The following CLASP2 variants were observed in gnomAD, a reference collection of about 807,000 sequenced individuals.
CLASP2 encodes CLIP-associating protein 2.
Under a neutral mutation model 194.4 loss-of-function variants are expected in CLASP2, and 47 were observed. The observed-to-expected ratio is 0.24, with a 90% CI of 0.19 to 0.31. The LOEUF (loss-of-function observed/expected upper bound fraction) is 0.31, where lower values mean the gene tolerates loss of function less well. Among genes scored for constraint, CLASP2 ranks in the 10% least tolerant of loss-of-function variants. The pLI is 1.00. For missense variants in CLASP2, 1,445 were observed against 1,823.6 expected (o/e 0.79, Z 3.78); for synonymous variants, 619 against 633.5 (o/e 0.98, Z 0.34).
intron 8 of CLASP2, among the ~76,000 whole-genome samples, chr3:33,633,328 C>T (rs1346367173): frequency 6.6e-6 from 1 of 152,108 alleles, no homozygotes; most frequent in Non-Finnish European, 1.5e-5. Flanking sequence ...AACGAAGTCC[C>T]CAACCAATAA....
chr3:33,528,847 A>G (rs1199140341), intron 34 of CLASP2, among the ~76,000 whole-genome samples: 1 of 152,174 alleles, frequency 6.6e-6, no homozygotes, highest in East Asian at 1.9e-4. Flanking sequence ...CGATAGACAG[A>G]TAAAGGGCCT....
At chr3:33,540,324 A>T (rs1426889310) in intron 32 of CLASP2, among the ~76,000 whole-genome samples, 1 of 150,498 alleles carries the variant, frequency 6.6e-6, no homozygotes, top group Non-Finnish European at 1.5e-5. Context: ...GCAGCCTTGA[A>T]CTCCTAGGCT....
At chr3:33,520,076 T>A (rs188222800) in intron 34 of CLASP2, among the ~76,000 whole-genome samples, 1 of 152,184 alleles carries the variant, frequency 6.6e-6, no homozygotes, top group South Asian at 2.1e-4. Context: ...TGCACTGGCG[T>A]GATCTTGGCT....
chr3:33,655,048 T>C (rs2083906885), intron 7 of CLASP2, among the ~76,000 whole-genome samples: 1 of 152,154 alleles, frequency 6.6e-6, no homozygotes, highest in African/African-American at 2.4e-5. Flanking sequence ...CATGCCATAA[T>C]AGCCATAACA....
At chr3:33,678,955 T>C (rs988713420) in intron 6 of CLASP2, among the ~76,000 whole-genome samples, 1 of 152,134 alleles carries the variant, frequency 6.6e-6, no homozygotes, top group Admixed American at 6.5e-5. Flanking sequence ...AGATCTAGAA[T>C]AGCTAACACA....
At chr3:33,586,081 A>G (rs1363555922) in intron 21 of CLASP2, among the ~76,000 whole-genome samples, 2 of 152,062 alleles carry the variant, frequency 1.3e-5, no homozygotes, top group African/African-American at 2.4e-5. Flanking sequence ...AGAAGTCCCA[A>G]GGGTAGAAGG....
At chr3:33,567,102 T>C (rs894447830) in intron 26 of CLASP2, among the ~76,000 whole-genome samples, 2 of 152,174 alleles carry the variant, frequency 1.3e-5, no homozygotes, top group South Asian at 2.1e-4. Flanking sequence ...GGGGCCAACA[T>C]TTGGTTCCAA....
In CLASP2 at chr3:33,543,517, G is replaced by A. The variant is rs187113660; in HGVS notation, c.3320C>T (p.Thr1107Ile). Residue 1107 changes from threonine (T) to isoleucine (I), a missense_variant, in exon 32 of 39, where the codon ACA becomes ATA. Thr to Ile is a moderately conservative substitution (Grantham distance 89). This residue lies in a region of CLASP2 where 732 missense variants were observed against 987.9 expected (regional missense o/e 0.74). Transcript: ENST00000682230. ...AGCTGGTGATCGTGGTGTTGGTCTT[G>A]TCAAAGGACTCCCCATGGAACTCTG... Reference protein sequence around the residue: ...GTQSSMGSPLTRPTPRSPANW... With the variant: ...GTQSSMGSPLIRPTPRSPANW... The A allele has an allele frequency of 3.9e-3, 6,352 of 1,611,652 alleles. 25 individuals are homozygous for A. Among genetic ancestry groups the A allele is most frequent in the Middle Eastern group, 0.011 (67 of 6,054 alleles).
At position 33,575,158 on chromosome 3, in the gene CLASP2, A is replaced by G. The variant is rs183270299; in HGVS notation, c.2454+1011T>C. Among the ~76,000 whole-genome samples, 20 of 152,308 alleles carry G rather than the reference A, an allele frequency of 1.3e-4. No individual in the cohort carries two copies. In the South Asian group the frequency reaches 3.5e-3, roughly 27 times the overall value. ...CATCAGAACAAGATGTGATCAATAT[A>G]TCCCATGTTGAAGAGAACAAAGTCC... On this transcript the variant is annotated intron_variant, in intron 24 of 38. Coordinates refer to ENST00000682230, the MANE Select transcript of CLASP2 (RefSeq NM_001365631.1).
intron 7 of CLASP2, among the ~76,000 whole-genome samples, chr3:33,648,481 T>C (rs1422198513): frequency 6.6e-6 from 1 of 152,030 alleles, no homozygotes; most frequent in East Asian, 1.9e-4. Context: ...CACAGCTTCA[T>C]ATATATAAAA....
At chr3:33,594,880 T>C in intron 20 of CLASP2, 71 bp downstream of exon 20, 1 of 851,268 alleles carries the variant, frequency 1.2e-6, no homozygotes, top group Non-Finnish European at 1.6e-6. Flanking sequence ...TTAGTTCTAA[T>C]ATTTAATTCC....
At chr3:33,714,695 T>C (rs1489179236) in intron 1 of CLASP2, among the ~76,000 whole-genome samples, 1 of 152,156 alleles carries the variant, frequency 6.6e-6, no homozygotes, top group Non-Finnish European at 1.5e-5. Context: ...TCCTTTATAG[T>C]CGACTCTCCA....
Position 33,501,674 on chromosome 3 carries a change from A to C in CLASP2, c.4412T>G (p.Leu1471Arg). Residue 1471 changes from leucine (L) to arginine (R), a missense_variant, in exon 38 of 39, where the codon CTC becomes CGC. Around this residue, in one of 4 missense-constraint regions of CLASP2, gnomAD observed 732 missense variants for 987.9 expected, o/e 0.74. Coordinates refer to ENST00000682230, the MANE Select transcript of CLASP2 (RefSeq NM_001365631.1). Reference protein sequence around the residue: ...AVIGDELKPHLSQLTGSKMKL... With the variant: ...AVIGDELKPHRSQLTGSKMKL... ...TACTTTACTGCCAGTAAGTTGACTG[A>C]GATGTGGTTTTAGTTCATCACCAAT... 1 of 1,612,330 alleles carries C rather than the reference A, an allele frequency of 6.2e-7. No homozygotes were observed.
chr3:33,580,162 G>C (rs2065724469), intron 23 of CLASP2, among the ~76,000 whole-genome samples: 1 of 152,156 alleles, frequency 6.6e-6, no homozygotes, highest in Non-Finnish European at 1.5e-5. Flanking sequence ...CACAAACAAG[G>C]GTTGGGCATA....
intron 16 of CLASP2, 121 bp downstream of exon 16, chr3:33,606,470 A>T: frequency 1.4e-6 from 1 of 707,454 alleles, no homozygotes; most frequent in Non-Finnish European, 2.3e-6. Flanking sequence ...TAAGTGTATT[A>T]GAGTTACCAT....
chr3:33,674,802 C>A (rs1463114138), intron 6 of CLASP2, among the ~76,000 whole-genome samples: 1 of 152,116 alleles, frequency 6.6e-6, no homozygotes, highest in Non-Finnish European at 1.5e-5. Flanking sequence ...GAGCATACTA[C>A]AAACACCTCT....
At chr3:33,650,930 T>C (rs1431357648) in intron 7 of CLASP2, among the ~76,000 whole-genome samples, 2 of 152,182 alleles carry the variant, frequency 1.3e-5, no homozygotes, top group East Asian at 3.9e-4. Flanking sequence ...TCTGCATGCC[T>C]GAAAGTCAAA....
At chr3:33,695,774 T>C (rs2091832412) in intron 2 of CLASP2, among the ~76,000 whole-genome samples, 1 of 152,240 alleles carries the variant, frequency 6.6e-6, no homozygotes, top group African/African-American at 2.4e-5. Context: ...ACCCCATCTC[T>C]ATTTTAAAAT....
At chr3:33,621,785 A>G (rs1469783510) in intron 11 of CLASP2, among the ~76,000 whole-genome samples, 1 of 152,204 alleles carries the variant, frequency 6.6e-6, no homozygotes, top group African/African-American at 2.4e-5. Flanking sequence ...AATTGCTAAA[A>G]TATCAGAAAT....
Sources: gnomAD v4.1 joint callset for allele counts (sites outside exome capture counted in the v4.1 genomes callset) on GRCh38, gnomAD v4.1.1 for gene constraint, gnomAD v4.1.1 regional missense constraint, MANE v1.5 for transcripts, NCBI Gene and HGNC (gene_info 2026-07-23, HGNC 2026-07-21) for gene names.